BPI: variants seen among roughly 807,000 people sequenced by gnomAD.
BPI encodes the protein bactericidal permeability-increasing protein.
In BPI, 48 loss-of-function variants were observed where a neutral mutation model predicts 57.6. The ratio of observed to expected loss-of-function variants is 0.83; its 90% CI spans 0.66 to 1.06. The LOEUF (loss-of-function observed/expected upper bound fraction) is 1.06. Ranked by LOEUF, BPI falls within the 50% of genes least tolerant of loss-of-function variation. The probability of loss-of-function intolerance (pLI) is 0.00; values close to 1 mark genes in which losing one functional copy is unlikely to be tolerated. For synonymous variants in BPI, 237 were observed against 238.2 expected, an observed-to-expected ratio of 0.99 and a Z score of 0.05; for missense variants, 651 against 609.7, an observed-to-expected ratio of 1.07 and a Z score of -0.71.
At chr20:38,319,568 T>C (rs1188436215) in intron 6 of BPI, among the ~76,000 whole-genome samples, 1 of 152,254 alleles carries the variant, frequency 6.6e-6, no homozygotes, top group African/African-American at 2.4e-5. Flanking sequence ...AATGCCAGCT[T>C]CATCACTCAC....
rs1600705527 is a variant in BPI at position 38,320,089 on chromosome 20, C to G, written c.665-94C>G. ...TGGGAATGAAACTTGCACTGCAGCT[C>G]TTGATTCAATTTTAGGGGATTCTGA... On this transcript the variant is annotated intron_variant, in intron 6 of 14. Transcript: ENST00000642449. The G allele has an allele frequency of 4.5e-6, 5 of 1,100,680 alleles. No individual in the cohort carries two copies. In the East Asian group the frequency reaches 9.5e-5, roughly 21 times the overall value. The allele number at this position is 1,100,680 out of a possible 1,614,324, so 68.2% of individuals were successfully genotyped here.
chr20:38,317,630 T>C lies in BPI; in HGVS notation c.601-783T>C, dbSNP rs547251002. 4.0e-5 allele frequency: 29 copies of C among 722,744 alleles called. 1 individual carries two copies. Among genetic ancestry groups the C allele is most frequent in the African/African-American group, 3.1e-4 (18 of 57,488 alleles). The allele number at this position is 722,744 out of a possible 1,614,324, so 44.8% of individuals were successfully genotyped here. ...CAGGTGTATTGTTGTGTTCTGTTGCTTAGAAGCAAGTCGGCAAGCCCAGAT... is the reference window on the plus strand; with the variant it reads ...CAGGTGTATTGTTGTGTTCTGTTGCCTAGAAGCAAGTCGGCAAGCCCAGAT... On this transcript the variant is annotated intron_variant, in intron 5 of 14. Coordinates refer to ENST00000642449, the MANE Select transcript of BPI (RefSeq NM_001725.3).
At chr20:38,334,853 A>G (rs1448559995) in intron 13 of BPI, among the ~76,000 whole-genome samples, 2 of 152,142 alleles carry the variant, frequency 1.3e-5, no homozygotes, top group Non-Finnish European at 2.9e-5. Context: ...TAGCAGTGAA[A>G]ACAAAGCCCA....
intron 12 of BPI, 37 bp downstream of exon 12, chr20:38,331,127 T>A: frequency 6.2e-7 from 1 of 1,604,320 alleles, no homozygotes; most frequent in Non-Finnish European, 8.5e-7. Context: ...TTCCTCCTTC[T>A]GACCTGGCGG....
At chr20:38,313,453 G>A (rs1356222259) in intron 5 of BPI, among the ~76,000 whole-genome samples, 1 of 149,000 alleles carries the variant, frequency 6.7e-6, no homozygotes, top group Non-Finnish European at 1.5e-5. Context: ...CCAAGGCACT[G>A]TAAGGATTCA....
chr20:38,323,802 C>T, intron 7 of BPI, 68 bp from the exon 8 acceptor site: 2 of 1,528,108 alleles, frequency 1.3e-6, no homozygotes, highest in South Asian at 1.3e-5. Context: ...CCATTTTTTC[C>T]TGGATGGAGA....
intron 5 of BPI, among the ~76,000 whole-genome samples, chr20:38,312,966 C>T (rs1268532155): frequency 6.6e-6 from 1 of 152,182 alleles, no homozygotes; most frequent in Non-Finnish European, 1.5e-5. Flanking sequence ...GCAGGACATT[C>T]CCCAGCCAAA....
At chr20:38,318,128 A>C in intron 5 of BPI, 1 of 857,164 alleles carries the variant, frequency 1.2e-6, no homozygotes, top group Non-Finnish European at 1.4e-6. Context: ...CAACAAAAAA[A>C]AAAAACCTTA....
At position 38,304,209 on chromosome 20, in the gene BPI, A is replaced by G. The variant is rs753360859; in HGVS notation, c.-15A>G. On this transcript the variant is annotated 5_prime_UTR_variant, in exon 1 of 15. Coordinates refer to ENST00000642449, the MANE Select transcript of BPI (RefSeq NM_001725.3). ...GGCCTTGAGGTTTTGGCAGCTCTGGAGGATGAGAGAGAACATGGCCAGGGG... is the reference window on the plus strand; with the variant it reads ...GGCCTTGAGGTTTTGGCAGCTCTGGGGGATGAGAGAGAACATGGCCAGGGG... 2.5e-6 allele frequency: 4 copies of G among 1,613,918 alleles called. No homozygotes were observed. In the African/African-American group the frequency reaches 4.0e-5, roughly 16 times the overall value.
rs1236578947 is a variant in BPI at position 38,326,297 on chromosome 20, GATCCAT to G, written c.1027_1032del (p.Ile343_His344del). On this transcript the variant is annotated inframe_deletion, in exon 10 of 15. Coordinates refer to ENST00000642449, the MANE Select transcript of BPI (RefSeq NM_001725.3). ...AGAAGTTTCCCAACATGAAGATACAGATCCATGTCTCAGCCTCCACCCCGCCACACC... is the reference window on the plus strand; with the variant it reads ...AGAAGTTTCCCAACATGAAGATACAGGTCTCAGCCTCCACCCCGCCACACC... The G allele has an allele frequency of 6.2e-7, 1 of 1,613,734 alleles. No individual in the cohort carries two copies. Among genetic ancestry groups the G allele is most frequent in the African/African-American group, 1.3e-5 (1 of 74,932 alleles).
chr20:38,314,546 G>A (rs998682953), intron 5 of BPI, among the ~76,000 whole-genome samples: 15 of 149,632 alleles, frequency 1.0e-4, no homozygotes, highest in Admixed American at 2.7e-4. Context: ...TAATGATGGT[G>A]ATGGTGATGG....
In BPI at chr20:38,308,996, G is replaced by A. The variant is rs5743501; in HGVS notation, c.312G>A (p.Lys104=). 6.8e-6 allele frequency: 11 copies of A among 1,614,202 alleles called. No individual in the cohort carries two copies. The Admixed American group carries it at 1.8e-4, about 27-fold the overall frequency. The change falls in exon 3 of 15, where the codon AAG becomes AAA. Residue 104 remains lysine (K), a synonymous_variant. Transcript: ENST00000642449. ...QISMVPNVGL[K]FSISNANIKI... ...GCATGGTGCCCAATGTGGGCCTTAAGTTCTCCATCAGCAACGCCAATATCA... is the reference window on the plus strand; with the variant it reads ...GCATGGTGCCCAATGTGGGCCTTAAATTCTCCATCAGCAACGCCAATATCA...
rs1329461852 is a variant in BPI, at chr20:38,326,517, C to T, written c.1161+85C>T. The T allele has an allele frequency of 3.5e-6, 5 of 1,426,246 alleles. No homozygotes were observed. In the African/African-American group the frequency reaches 7.2e-5, roughly 20 times the overall value. 88.3% of individuals were successfully genotyped at this position (1,426,246 alleles called of 1,614,324 possible). A position where few individuals can be genotyped will look rare whatever the true frequency, so the allele number is the denominator to read the frequency against. ...TTGGAGTCAGGAGACCATGTGAATC[C>T]TGTCTGGATTCAAACCTGGACTGTG... is the stretch of plus-strand genomic sequence containing the variant. On this transcript the variant is annotated intron_variant, in intron 10 of 14. Coordinates refer to ENST00000642449, the MANE Select transcript of BPI (RefSeq NM_001725.3).
chr20:38,312,718 C>T (rs765764650), intron 5 of BPI, among the ~76,000 whole-genome samples: 6 of 152,052 alleles, frequency 3.9e-5, no homozygotes, highest in African/African-American at 7.3e-5. Context: ...GAGTCTCATG[C>T]GGTCTTCTAG....
chr20:38,334,612 G>T, intron 13 of BPI, 119 bp downstream of exon 13: 1 of 1,000,556 alleles, frequency 1.0e-6, no homozygotes, highest in Non-Finnish European at 1.6e-6. Flanking sequence ...GTGATGTCAA[G>T]TGAACTTCAA....
intron 9 of BPI, among the ~76,000 whole-genome samples, chr20:38,325,747 A>T (rs1232411194): frequency 6.6e-6 from 1 of 152,110 alleles, no homozygotes; most frequent in Non-Finnish European, 1.5e-5. Context: ...TGTGGCTGCT[A>T]GGGGTGTCCA....
Position 38,337,068 on chromosome 20 carries a change from CT to C in BPI, c.1414-76del. 3 of 1,483,672 alleles carry C rather than the reference CT, an allele frequency of 2.0e-6. No homozygotes were observed. In the Middle Eastern group the frequency reaches 5.2e-4, roughly 255 times the overall value. The allele number at this position is 1,483,672 out of a possible 1,614,324, so 91.9% of individuals were successfully genotyped here. ...AGAGGCAGGCTCCCAAAATGTCCTT[CT>C]TAAAACTCCAGTAGCTCCACACTCA... On this transcript the variant is annotated intron_variant, in intron 14 of 14. Coordinates refer to ENST00000642449, the MANE Select transcript of BPI (RefSeq NM_001725.3).
chr20:38,337,066 T>C (rs2076771100), intron 14 of BPI, 80 bp from the exon 15 acceptor site: 2 of 1,463,524 alleles, frequency 1.4e-6, no homozygotes, highest in South Asian at 1.2e-5. Context: ...CAAAATGTCC[T>C]TCTTAAAACT....
At chr20:38,336,622 C>T (rs1318210097) in intron 14 of BPI, among the ~76,000 whole-genome samples, 1 of 152,110 alleles carries the variant, frequency 6.6e-6, no homozygotes, top group African/African-American at 2.4e-5. Context: ...GGCCATCAAT[C>T]CTCAATTCTT....
Sources: allele counts gnomAD v4.1 joint callset (sites outside exome capture counted in the v4.1 genomes callset), GRCh38; gene constraint gnomAD v4.1.1; transcripts MANE v1.5; gene names NCBI Gene and HGNC (gene_info 2026-07-23, HGNC 2026-07-21).